Variants in PFKP observed in about 807,000 individuals in gnomAD.
PFKP encodes the protein ATP-dependent 6-phosphofructokinase, platelet type.
A neutral mutation model predicts 94.3 loss-of-function variants in PFKP; 101 were observed. The ratio of observed to expected loss-of-function variants is 1.07; its 90% confidence interval spans 0.91 to 1.26. The LOEUF is 1.26. Among genes scored for constraint, PFKP ranks in the 50% most tolerant of loss-of-function variants. The pLI is 0.00. For synonymous variants in PFKP, 573 were observed against 432.6 expected (o/e 1.32, Z -4.03); for missense variants, 1,145 against 1,103.3 (o/e 1.04, Z -0.53).
chr10:3,133,030 A>C (rs1167320380), intron 18 of PFKP, among the ~76,000 whole-genome samples, 173 bp from the exon 19 acceptor site: 2 of 152,218 alleles, frequency 1.3e-5, no homozygotes, highest in Non-Finnish European at 2.9e-5. Context: ...CCACTGGACC[A>C]TGGGTAACAA....
chr10:3,114,590 C>T (rs1836604162), intron 13 of PFKP, among the ~76,000 whole-genome samples: 1 of 152,226 alleles, frequency 6.6e-6, no homozygotes, highest in Non-Finnish European at 1.5e-5. Context: ...GGATGGTGAG[C>T]AGTGCTCAGA....
chr10:3,135,903 A>G (rs1839224521), intron 21 of PFKP, 65 bp downstream of exon 21: 1 of 945,922 alleles, frequency 1.1e-6, no homozygotes, highest in Non-Finnish European at 1.7e-6. Flanking sequence ...GGGAATGGCC[A>G]TTGCTGTTGC....
chr10:3,129,511 G>C (rs1588564653), intron 16 of PFKP: 2 of 374,360 alleles, frequency 5.3e-6, no homozygotes, highest in Non-Finnish European at 9.8e-6. Context: ...GAGCTGGCTT[G>C]TGGGGTCGTC....
chr10:3,114,392 C>T (rs1489117871), intron 13 of PFKP, among the ~76,000 whole-genome samples: 1 of 152,186 alleles, frequency 6.6e-6, no homozygotes, highest in African/African-American at 2.4e-5. Context: ...TCAGGTGACC[C>T]ACCCACCTTG....
chr10:3,100,087 AAG>A (rs1469921487), intron 3 of PFKP, among the ~76,000 whole-genome samples: 2 of 108,968 alleles, frequency 1.8e-5, no homozygotes, highest in African/African-American at 6.5e-5. Context: ...GTGTGTGTGA[AAG>A]AGAGTGAGTG....
At chr10:3,086,422 G>C (rs1422072552) in intron 2 of PFKP, among the ~76,000 whole-genome samples, 1 of 152,210 alleles carries the variant, frequency 6.6e-6, no homozygotes, top group Non-Finnish European at 1.5e-5. Context: ...TTCGGTCCCC[G>C]ACCCCTGGCC....
intron 19 of PFKP, among the ~76,000 whole-genome samples, chr10:3,133,581 C>G (rs1425547521): frequency 6.6e-6 from 1 of 152,160 alleles, no homozygotes; most frequent in African/African-American, 2.4e-5. Flanking sequence ...TAGGCACCCA[C>G]CACCACACCC....
chr10:3,090,374 G>A (rs1013885959), intron 2 of PFKP, among the ~76,000 whole-genome samples: 2 of 152,196 alleles, frequency 1.3e-5, no homozygotes, highest in African/African-American at 4.8e-5. Flanking sequence ...TTGCCCTCCT[G>A]TCTCCCTGGT....
chr10:3,130,097 C>G lies in PFKP; in HGVS notation c.1848+114C>G, dbSNP rs1426800830. On this transcript the variant is annotated intron_variant, in intron 17 of 21. Coordinates refer to ENST00000381125, the MANE Select transcript of PFKP (RefSeq NM_002627.5). ...TCCAAGGGGCATGGAGATGGAGATG[C>G]TACAGAACATGCCACGCTTGATACA... is the stretch of plus-strand genomic sequence containing the variant. 3 of 938,458 alleles carry G rather than the reference C, an allele frequency of 3.2e-6. No homozygotes were observed. In the East Asian group the frequency reaches 8.1e-5, roughly 25 times the overall value. The allele number at this position is 938,458 out of a possible 1,614,324, so 58.1% of individuals were successfully genotyped here.
In PFKP at chr10:3,120,926, A is replaced by T. The variant is rs865936397; in HGVS notation, c.1683+882A>T. Among the ~76,000 whole-genome samples the T allele has an allele frequency of 4.1e-5, 6 of 145,242 alleles. No homozygotes were observed. In the South Asian group the frequency reaches 8.3e-4, roughly 20 times the overall value. ...AACACAGAAAGCATTTCATTTTTTT[A>T]AAATTTGATGTCTAAAAGTTTGTAG... is the stretch of plus-strand genomic sequence containing the variant. On this transcript the variant is annotated intron_variant, in intron 16 of 21. Coordinates refer to ENST00000381125, the MANE Select transcript of PFKP (RefSeq NM_002627.5).
chr10:3,110,015 A>G (rs1489581311), intron 10 of PFKP, among the ~76,000 whole-genome samples: 3 of 152,080 alleles, frequency 2.0e-5, no homozygotes, highest in African/African-American at 7.2e-5. Context: ...TCCTATCCCC[A>G]AGGACATTCA....
At chr10:3,107,405 T>C in intron 8 of PFKP, 96 bp downstream of exon 8, 1 of 716,990 alleles carries the variant, frequency 1.4e-6, no homozygotes, top group African/African-American at 1.8e-5. Flanking sequence ...ATTGAATTAT[T>C]AACTTTTTAT....
intron 9 of PFKP, 144 bp downstream of exon 9, chr10:3,108,937 G>A: frequency 3.0e-6 from 2 of 669,286 alleles, no homozygotes; most frequent in South Asian, 3.4e-5. Context: ...AACGATCCTT[G>A]AGACCTTTGG....
intron 1 of PFKP, among the ~76,000 whole-genome samples, chr10:3,077,455 AT>A (rs1239305620): frequency 6.7e-6 from 1 of 149,210 alleles, no homozygotes; most frequent in Admixed American, 6.6e-5. Flanking sequence ...TTTAGTAGAG[AT>A]GGGGTTTCAC....
At chr10:3,128,985 C>T (rs1838259412) in intron 16 of PFKP, 1 of 152,242 alleles carries the variant, frequency 6.6e-6, no homozygotes, top group African/African-American at 2.4e-5. Flanking sequence ...TTGAAGTGAG[C>T]AAAGGGTTTT....
At chr10:3,111,075 T>C (rs905106782) in intron 10 of PFKP, among the ~76,000 whole-genome samples, 1 of 152,116 alleles carries the variant, frequency 6.6e-6, no homozygotes, top group African/African-American at 2.4e-5. Context: ...TGTGAGGTAA[T>C]GCATCTGCAT....
chr10:3,122,162 C>T (rs1204309703), intron 16 of PFKP, among the ~76,000 whole-genome samples: 2 of 152,082 alleles, frequency 1.3e-5, no homozygotes, highest in African/African-American at 2.4e-5. Context: ...AGAACTGGAG[C>T]GTGTAGTTAG....
intron 2 of PFKP, among the ~76,000 whole-genome samples, chr10:3,089,022 C>G (rs763098208): frequency 6.6e-6 from 1 of 152,178 alleles, no homozygotes; most frequent in Non-Finnish European, 1.5e-5. Context: ...ACCTCTGCCT[C>G]CCGGGTTCAA....
intron 8 of PFKP, chr10:3,107,746 T>TCGTA (rs1835779063): frequency 1.8e-6 from 1 of 545,024 alleles, no homozygotes; most frequent in Non-Finnish European, 2.0e-6. Context: ...CTGAGCACAT[T>TCGTA]CTTACAAAGC....
Sources: gnomAD v4.1 joint callset for allele counts (sites outside exome capture counted in the v4.1 genomes callset) on GRCh38, gnomAD v4.1.1 for gene constraint, MANE v1.5 for transcripts, NCBI Gene and HGNC (gene_info 2026-07-23, HGNC 2026-07-21) for gene names.